GRB2: variants seen among roughly 807,000 people sequenced by gnomAD.
The protein encoded by GRB2 is growth factor receptor-bound protein 2.
A neutral mutation model predicts 27.4 loss-of-function variants in GRB2; 2 were observed. That is an observed-to-expected ratio of 0.07 (90% CI 0.03 to 0.23). The LOEUF is 0.23. GRB2 is among the 10% of genes least tolerant of loss of function. The pLI is 1.00. For synonymous variants in GRB2, 94 were observed against 99.6 expected (o/e 0.94, Z 0.33); for missense variants, 102 against 282.4 (o/e 0.36, Z 4.58).
At chr17:75,389,473 G>A (rs2078985152) in intron 2 of GRB2, among the ~76,000 whole-genome samples, 2 of 152,196 alleles carry the variant, frequency 1.3e-5, no homozygotes, top group Non-Finnish European at 2.9e-5. Context: ...AATGATAGTT[G>A]TGTGATCTTG....
intron 2 of GRB2, among the ~76,000 whole-genome samples, chr17:75,385,507 A>C (rs1336840428): frequency 3.9e-5 from 6 of 152,242 alleles, no homozygotes; most frequent in Non-Finnish European, 8.8e-5. Context: ...ATTGCACTCC[A>C]GCCTGAGCAA....
chr17:75,346,277 T>G (rs548102048), intron 2 of GRB2, among the ~76,000 whole-genome samples: 78 of 151,758 alleles, frequency 5.1e-4, no homozygotes, highest in African/African-American at 1.8e-3. Context: ...GCGGATCACT[T>G]GAGGTCAGGA....
At chr17:75,339,441 C>T (rs1598225209) in intron 2 of GRB2, among the ~76,000 whole-genome samples, 1 of 151,676 alleles carries the variant, frequency 6.6e-6, no homozygotes, top group African/African-American at 2.4e-5. Flanking sequence ...GATCCACCCA[C>T]CTCGGCCTCC....
In GRB2 at chr17:75,318,439, T is replaced by C. The variant is rs2078431429; in HGVS notation, c.*1929A>G. The C allele has an allele frequency of 6.6e-6, 1 of 152,178 alleles. No individual in the cohort carries two copies. Among genetic ancestry groups the C allele is most frequent in the Admixed American group, 6.5e-5 (1 of 15,274 alleles). 9.4% of individuals were successfully genotyped at this position (152,178 alleles called of 1,614,324 possible). On this transcript the variant is annotated 3_prime_UTR_variant, in exon 6 of 6. Coordinates refer to ENST00000316804, the MANE Select transcript of GRB2 (RefSeq NM_002086.5). ...ATCTGGAGTCGGAGGGAGACTCCCATCGGCCGCTTTGGGACTGAAAGGCCC... is the reference window on the plus strand; with the variant it reads ...ATCTGGAGTCGGAGGGAGACTCCCACCGGCCGCTTTGGGACTGAAAGGCCC...
At chr17:75,349,678 C>A (rs1002909050) in intron 2 of GRB2, among the ~76,000 whole-genome samples, 1 of 151,928 alleles carries the variant, frequency 6.6e-6, no homozygotes, top group African/African-American at 2.4e-5. Flanking sequence ...CACCACCACG[C>A]CTGGCTAATT....
chr17:75,354,747 C>A (rs2078719935), intron 2 of GRB2, among the ~76,000 whole-genome samples: 1 of 152,056 alleles, frequency 6.6e-6, no homozygotes, highest in Non-Finnish European at 1.5e-5. Flanking sequence ...AGAAAGAGAA[C>A]AGTGAAAATA....
chr17:75,337,898 CTACTAT>C (rs1283055505), intron 2 of GRB2, among the ~76,000 whole-genome samples: 7,460 of 132,390 alleles, frequency 0.056, 225 homozygotes, highest in Middle Eastern at 0.11. Flanking sequence ...ACTACTACTA[CTACTAT>C]TATTATTATT....
chr17:75,320,351 TA>T lies in GRB2; in HGVS notation c.*16del, dbSNP rs1396290982. ...TTTTACATTTTTCACTTTCTTTAAA[TA>T]ATTGCTTCTTGACTCTTAGACGTTC... On this transcript the variant is annotated 3_prime_UTR_variant, in exon 6 of 6. Transcript: ENST00000316804. This position sits in a 1 kb window ranked among gnomAD's most constrained non-coding sequence, Gnocchi z 4.3. 2 of 1,602,452 alleles carry T rather than the reference TA, an allele frequency of 1.2e-6. No individual in the cohort carries two copies. The highest frequency in any genetic ancestry group is 1.7e-6 in the Non-Finnish European group (2 of 1,169,952).
Position 75,364,784 on chromosome 17 carries a change from C to T in GRB2, c.78+28767G>A, listed in dbSNP as rs986409112. Among the ~76,000 whole-genome samples the T allele has an allele frequency of 5.9e-5, 9 of 151,984 alleles. No individual in the cohort carries two copies. In the Middle Eastern group the frequency reaches 0.01, roughly 172 times the overall value. On this transcript the variant is annotated intron_variant, in intron 2 of 5. Transcript: ENST00000316804. Reference sequence around the variant, plus strand: ...CTCAGAATAACAGGATTACTCTAAACTGCTTCACAGACAAGTATCTAGTAC... The same window carrying T: ...CTCAGAATAACAGGATTACTCTAAATTGCTTCACAGACAAGTATCTAGTAC...
chr17:75,394,398 C>T (rs997782400), intron 1 of GRB2: 1 of 152,216 alleles, frequency 6.6e-6, no homozygotes, highest in African/African-American at 2.4e-5. Flanking sequence ...GCGGCTTTCC[C>T]CCTGCACTTC....
At chr17:75,386,949 G>A (rs1001935384) in intron 2 of GRB2, among the ~76,000 whole-genome samples, 4 of 144,408 alleles carry the variant, frequency 2.8e-5, no homozygotes, top group Non-Finnish European at 6.2e-5. Context: ...GCTGAGAGGG[G>A]CAGATCACGA....
At chr17:75,397,184 G>C (rs889388939) in intron 1 of GRB2, among the ~76,000 whole-genome samples, 4 of 152,170 alleles carry the variant, frequency 2.6e-5, no homozygotes, top group African/African-American at 9.7e-5. Context: ...AAGCTTATTA[G>C]GTTATCCACC....
At chr17:75,376,178 A>G (rs1432077215) in intron 2 of GRB2, among the ~76,000 whole-genome samples, 1 of 150,366 alleles carries the variant, frequency 6.7e-6, no homozygotes, top group African/African-American at 2.4e-5. Flanking sequence ...CCCCATCTCT[A>G]TTGAAATACA....
chr17:75,334,529 C>T (rs2078563506), intron 2 of GRB2, among the ~76,000 whole-genome samples: 1 of 152,192 alleles, frequency 6.6e-6, no homozygotes, highest in Non-Finnish European at 1.5e-5. Context: ...ATTCTCCTGC[C>T]TCAGCCTCCC....
intron 1 of GRB2, among the ~76,000 whole-genome samples, chr17:75,404,424 C>A (rs571513082): frequency 2.0e-5 from 3 of 150,690 alleles, no homozygotes; most frequent in East Asian, 2.0e-4. Flanking sequence ...AGTCTCTTCC[C>A]GAGGAAAAAG....
Position 75,405,614 on chromosome 17 carries a change from ACT to A in GRB2, c.-265_-264del. 6.2e-6 allele frequency: 1 copy of A among 162,316 alleles called. No homozygotes were observed. The highest frequency in any genetic ancestry group is 1.3e-5 in the Non-Finnish European group (1 of 74,442). The allele number at this position is 162,316 out of a possible 1,614,324, so 10.1% of individuals were successfully genotyped here. A position where few individuals can be genotyped will look rare whatever the true frequency, so the allele number is the denominator to read the frequency against. ...GCCGCCGTCACCGCCACAGGCACAGACTCTGCCACAGCCGCCGCCGCCGCTGC... is the reference window on the plus strand; with the variant it reads ...GCCGCCGTCACCGCCACAGGCACAGACTGCCACAGCCGCCGCCGCCGCTGC... On this transcript the variant is annotated 5_prime_UTR_variant, in exon 1 of 6. Coordinates refer to ENST00000316804, the MANE Select transcript of GRB2 (RefSeq NM_002086.5).
chr17:75,397,496 CAAA>C (rs962203446), intron 1 of GRB2, among the ~76,000 whole-genome samples: 1 of 152,066 alleles, frequency 6.6e-6, no homozygotes, highest in Non-Finnish European at 1.5e-5. Context: ...CTACTGTATC[CAAA>C]AAAACTACTA....
At chr17:75,321,272 G>A (rs1304106965) in intron 5 of GRB2, among the ~76,000 whole-genome samples, 2 of 147,188 alleles carry the variant, frequency 1.4e-5, no homozygotes, top group Admixed American at 1.4e-4. Context: ...CACCTCCTGG[G>A]TTCAAGCAAT....
At chr17:75,384,077 T>A (rs2078947105) in intron 2 of GRB2, among the ~76,000 whole-genome samples, 1 of 152,132 alleles carries the variant, frequency 6.6e-6, no homozygotes, top group African/African-American at 2.4e-5. Context: ...TTACAATACT[T>A]CAGATGTCTC....
Sources: gnomAD v4.1 joint callset for allele counts (sites outside exome capture counted in the v4.1 genomes callset) on GRCh38, gnomAD v4.1.1 for gene constraint, Gnocchi (gnomAD v3.1) non-coding constraint, MANE v1.5 for transcripts, NCBI Gene and HGNC (gene_info 2026-07-23, HGNC 2026-07-21) for gene names.